NCK2: variants seen among roughly 807,000 people sequenced by gnomAD.
NCK2 encodes the protein NCK adaptor protein 2, also known as cytoplasmic protein NCK2.
In NCK2, 16 loss-of-function variants were observed where a neutral mutation model predicts 33.9. The observed-to-expected ratio is 0.47, with a 90% CI of 0.32 to 0.72. The LOEUF is 0.72. NCK2 is among the 30% of genes least tolerant of loss of function. The pLI is 0.03. For synonymous variants in NCK2, 273 were observed against 239.9 expected, an observed-to-expected ratio of 1.14 and a Z score of -1.27; for missense variants, 418 against 537.3, an observed-to-expected ratio of 0.78 and a Z score of 2.19.
intron 1 of NCK2, among the ~76,000 whole-genome samples, chr2:105,808,922 A>G (rs1675188500): frequency 6.6e-6 from 1 of 152,192 alleles, no homozygotes; most frequent in Admixed American, 6.5e-5. Context: ...TGCTTTAGCC[A>G]TCTTGTGAGG....
In NCK2 at chr2:105,830,670, G is replaced by GGTGTGTGTGTGTGT. The variant is rs56220635; in HGVS notation, c.-17+14090_-17+14103dup. On this transcript the variant is annotated intron_variant, in intron 2 of 4. Coordinates refer to ENST00000233154, the MANE Select transcript of NCK2 (RefSeq NM_003581.5). ...TTGTTTGCATCCTTGCCAGGAATTTGGTGTGTGTGTGTGTGTGTGTGTGTG... is the reference window on the plus strand; with the variant it reads ...TTGTTTGCATCCTTGCCAGGAATTTGGTGTGTGTGTGTGTGTGTGTGTGTGTGTGTGTGTGTGTG... Among the ~76,000 whole-genome samples the GGTGTGTGTGTGTGT allele has an allele frequency of 2.1e-3, 210 of 99,040 alleles. 1 individual carries two copies. Among genetic ancestry groups the GGTGTGTGTGTGTGT allele is most frequent in the African/African-American group, 7.1e-3 (179 of 25,248 alleles). The allele number at this position is 99,040 out of a possible 152,430, so 65.0% of individuals were successfully genotyped here.
At chr2:105,885,746 T>TTGCAGC (rs1678694603) in intron 4 of NCK2, among the ~76,000 whole-genome samples, 1 of 152,198 alleles carries the variant, frequency 6.6e-6, no homozygotes. Context: ...TTATATATTC[T>TTGCAGC]TGCAGCTGTT....
chr2:105,853,475 C>T (rs1425783758), intron 2 of NCK2, among the ~76,000 whole-genome samples: 2 of 152,098 alleles, frequency 1.3e-5, no homozygotes, highest in Non-Finnish European at 1.5e-5. Flanking sequence ...CAGGTGTCCG[C>T]CATTATAGTA....
At chr2:105,796,971 A>C (rs1691101431) in intron 1 of NCK2, among the ~76,000 whole-genome samples, 1 of 152,192 alleles carries the variant, frequency 6.6e-6, no homozygotes, top group African/African-American at 2.4e-5. Context: ...CAGTACCCCT[A>C]GCTGGGGTGA....
At chr2:105,877,863 C>A (rs1189200377) in intron 3 of NCK2, among the ~76,000 whole-genome samples, 1 of 152,218 alleles carries the variant, frequency 6.6e-6, no homozygotes, top group African/African-American at 2.4e-5. Flanking sequence ...CCTTTACCTC[C>A]TGTAGCCTCA....
intron 2 of NCK2, among the ~76,000 whole-genome samples, chr2:105,836,751 C>T (rs12623430): frequency 0.92 from 139,459 of 152,144 alleles, 63,966 homozygotes; most frequent in East Asian, 0.98. Flanking sequence ...TGGGTGGATA[C>T]GGTGAGATGT....
chr2:105,871,703 C>A (rs1353068344), intron 3 of NCK2, among the ~76,000 whole-genome samples: 1 of 152,064 alleles, frequency 6.6e-6, no homozygotes, highest in African/African-American at 2.4e-5. Flanking sequence ...CCATTTTGGC[C>A]AGGCTGGTCT....
chr2:105,893,285 G>C lies in NCK2; in HGVS notation c.*109G>C. 1 of 1,108,664 alleles carries C rather than the reference G, an allele frequency of 9.0e-7. No individual in the cohort carries two copies. The highest frequency in any genetic ancestry group is 1.6e-5 in the African/African-American group (1 of 63,552). The allele number at this position is 1,108,664 out of a possible 1,614,324, so 68.7% of individuals were successfully genotyped here. Reference sequence around the variant, plus strand: ...GACGGCCCCGACGGCTTCTCTGCGAGTCTCTCTTTATGTTCAGGTCGCTTG... The same window carrying C: ...GACGGCCCCGACGGCTTCTCTGCGACTCTCTCTTTATGTTCAGGTCGCTTG... On this transcript the variant is annotated 3_prime_UTR_variant, in exon 5 of 5. Coordinates refer to ENST00000233154, the MANE Select transcript of NCK2 (RefSeq NM_003581.5).
chr2:105,835,424 T>TATATA (rs1553458625), intron 2 of NCK2, among the ~76,000 whole-genome samples: 5 of 122,544 alleles, frequency 4.1e-5, no homozygotes, highest in Non-Finnish European at 9.0e-5. Context: ...TATATATATA[T>TATATA]TTTTTTTTTG....
At chr2:105,819,544 C>G (rs532107263) in intron 2 of NCK2, among the ~76,000 whole-genome samples, 41 of 152,256 alleles carry the variant, frequency 2.7e-4, no homozygotes, top group African/African-American at 9.1e-4. Flanking sequence ...GTGACATTAG[C>G]AGACCTGAAG....
chr2:105,804,627 T>C (rs1674963438), intron 1 of NCK2, among the ~76,000 whole-genome samples: 1 of 152,252 alleles, frequency 6.6e-6, no homozygotes, highest in Non-Finnish European at 1.5e-5. Context: ...TATATGCTCC[T>C]GAGCTTTAGA....
At chr2:105,744,663 C>T (rs928305055), upstream of NCK2, among the ~76,000 whole-genome samples, 14 of 152,006 alleles carry the variant, frequency 9.2e-5, no homozygotes, top group African/African-American at 3.4e-4. Flanking sequence ...CGTCCCGCAG[C>T]CCCGCGCTAT....
intron 1 of NCK2, among the ~76,000 whole-genome samples, chr2:105,747,001 C>CA (rs1008173874): frequency 1.2e-4 from 18 of 152,154 alleles, no homozygotes; most frequent in Admixed American, 7.9e-4. Context: ...AATTGGGTCA[C>CA]AAATTGCCAT....
chr2:105,769,085 C>T (rs1052867356), intron 1 of NCK2, among the ~76,000 whole-genome samples: 9 of 152,210 alleles, frequency 5.9e-5, no homozygotes, highest in African/African-American at 2.2e-4. Flanking sequence ...ACCCCCCAAC[C>T]CCACTGGTCA....
At chr2:105,754,250 T>C (rs1419724496) in intron 1 of NCK2, among the ~76,000 whole-genome samples, 1 of 152,208 alleles carries the variant, frequency 6.6e-6, no homozygotes, top group African/African-American at 2.4e-5. Flanking sequence ...GGCAAAGAAT[T>C]GTTTACTTCA....
At chr2:105,864,057 C>T (rs528311125) in intron 3 of NCK2, among the ~76,000 whole-genome samples, 10 of 151,946 alleles carry the variant, frequency 6.6e-5, no homozygotes, top group South Asian at 6.3e-4. Flanking sequence ...AGGCCATCGG[C>T]GAGCCAGCCG....
intron 2 of NCK2, among the ~76,000 whole-genome samples, chr2:105,818,271 C>A (rs187617645): frequency 0.42 from 32,910 of 77,800 alleles, 6,088 homozygotes; most frequent in African/African-American, 0.59. Flanking sequence ...CACACTGGGG[C>A]CTGTTTTGGG....
chr2:105,779,502 C>T (rs1690418598), intron 1 of NCK2, among the ~76,000 whole-genome samples: 1 of 152,060 alleles, frequency 6.6e-6, no homozygotes, highest in African/African-American at 2.4e-5. Context: ...TGCCACCTAC[C>T]AAGTGGTGGG....
At chr2:105,792,227 A>G (rs1229587213) in intron 1 of NCK2, among the ~76,000 whole-genome samples, 1 of 152,188 alleles carries the variant, frequency 6.6e-6, no homozygotes, top group African/African-American at 2.4e-5. Context: ...CCTTTCAGCT[A>G]TCACATTTTA....
Sources: gnomAD v4.1 joint callset for allele counts (sites outside exome capture counted in the v4.1 genomes callset) on GRCh38, gnomAD v4.1.1 for gene constraint, MANE v1.5 for transcripts, NCBI Gene and HGNC (gene_info 2026-07-23, HGNC 2026-07-21) for gene names.